The following ARHGEF11 variants were observed in gnomAD, a reference collection of about 807,000 sequenced individuals.
ARHGEF11 encodes the protein Rho guanine exchange factor (GEF) 11.
A neutral mutation model predicts 193.7 loss-of-function variants in ARHGEF11; 55 were observed. The observed-to-expected ratio is 0.28, with a 90% CI of 0.23 to 0.36. The LOEUF is 0.36. Ranked by LOEUF, ARHGEF11 falls within the 10% of genes least tolerant of loss-of-function variation. The pLI is 1.00. For synonymous variants in ARHGEF11, 693 were observed against 768.0 expected (o/e 0.90, Z 1.62); for missense variants, 1,723 against 2,005.6 (o/e 0.86, Z 2.69).
intron 27 of ARHGEF11, 52 bp downstream of exon 27, chr1:156,946,884 C>T (rs926027691): frequency 2.7e-5 from 44 of 1,613,334 alleles, no homozygotes; most frequent in Non-Finnish European, 3.5e-5. Flanking sequence ...GTAATGAGAC[C>T]CTGCCTCCCC....
rs56345231 is a variant in ARHGEF11, at chr1:156,960,531, C to T, written c.1240-71G>A. On this transcript the variant is annotated intron_variant, in intron 14 of 40. Coordinates refer to ENST00000368194, the MANE Select transcript of ARHGEF11 (RefSeq NM_198236.3). ...CCAGGGAGATGAGCAGTGTGCAAGG[C>T]GAGGAGGGCTTGGCCACATGAACTT... 7.2e-3 allele frequency: 10,661 copies of T among 1,484,450 alleles called. 199 individuals carry two copies. Among genetic ancestry groups the T allele is most frequent in the African/African-American group, 0.071 (5,113 of 72,284 alleles). The allele number at this position is 1,484,450 out of a possible 1,614,324, so 92.0% of individuals were successfully genotyped here. A position where few individuals can be genotyped will look rare whatever the true frequency, so the allele number is the denominator to read the frequency against.
At chr1:156,941,712 T>C in intron 34 of ARHGEF11, 152 bp downstream of exon 34, 1 of 1,205,108 alleles carries the variant, frequency 8.3e-7, no homozygotes, top group Non-Finnish European at 1.2e-6. Context: ...GGGGGCATGT[T>C]CCTCCATCTG....
chr1:156,998,404 GGA>G, intron 1 of ARHGEF11, among the ~76,000 whole-genome samples: 1 of 152,316 alleles, frequency 6.6e-6, no homozygotes, highest in Non-Finnish European at 1.5e-5. Context: ...TTGATATTGA[GGA>G]GCAGTGTGGT....
chr1:156,941,605 C>T (rs1656952949), intron 34 of ARHGEF11, among the ~76,000 whole-genome samples, 172 bp from the exon 35 acceptor site: 1 of 152,228 alleles, frequency 6.6e-6, no homozygotes, highest in African/African-American at 2.4e-5. Flanking sequence ...TTCTCTGGTC[C>T]CTTGCTCTAC....
intron 37 of ARHGEF11, 147 bp from the exon 38 acceptor site, chr1:156,938,660 G>A (rs1182433348): frequency 4.7e-6 from 3 of 641,274 alleles, no homozygotes; most frequent in East Asian, 5.7e-5. Context: ...GATCATACAC[G>A]ATGACATCCC....
intron 35 of ARHGEF11, 93 bp from the exon 36 acceptor site, chr1:156,940,518 A>C: frequency 1.7e-6 from 2 of 1,147,054 alleles, no homozygotes; most frequent in South Asian, 3.4e-5. Context: ...GGGGCTGGGA[A>C]CACTGACTTA....
Position 156,942,728 on chromosome 1 carries a change from G to A in ARHGEF11, c.3288C>T (p.Ile1096=). ...ICTSKLGPPQ[I]YELVALTSSD... is the part of the protein sequence containing the mutation. ...ATGACGTCAATGCAACCAGCTCATAGATCTGGGGTGGGCCCAGCTTGGAGG... is the reference window on the plus strand; with the variant it reads ...ATGACGTCAATGCAACCAGCTCATAAATCTGGGGTGGGCCCAGCTTGGAGG... The change falls in exon 33 of 41, where the codon ATC becomes ATT. Residue 1096 remains isoleucine (I), a synonymous_variant. Coordinates refer to ENST00000368194, the MANE Select transcript of ARHGEF11 (RefSeq NM_198236.3). 1 of 1,614,158 alleles carries A rather than the reference G, an allele frequency of 6.2e-7. No individual in the cohort carries two copies. The highest frequency in any genetic ancestry group is 1.1e-5 in the South Asian group (1 of 91,076).
At chr1:156,996,001 C>G (rs1036927047) in intron 1 of ARHGEF11, among the ~76,000 whole-genome samples, 2 of 152,122 alleles carry the variant, frequency 1.3e-5, no homozygotes, top group Non-Finnish European at 2.9e-5. Context: ...GATCTTTAGA[C>G]ATCAAAATAA....
Position 156,936,941 on chromosome 1 carries a change from G to A in ARHGEF11, c.4505C>T (p.Thr1502Met), listed in dbSNP as rs747398529. 2.9e-5 allele frequency: 46 copies of A among 1,613,994 alleles called. No homozygotes were observed. The highest frequency in any genetic ancestry group is 4.5e-5 in the East Asian group (2 of 44,880). ...SLGGESSGGTTPVGSFHTEAA... is the reference protein window; with the variant it reads ...SLGGESSGGTMPVGSFHTEAA... ...TTCTGTGTGGAAACTGCCCACAGGC[G>A]TGGTGCCACCAGATGACTCTCCCCC... Residue 1502 changes from threonine (T) to methionine (M), a missense_variant, in exon 40 of 41, where the codon ACG (threonine) becomes ATG (methionine). Coordinates refer to ENST00000368194, the MANE Select transcript of ARHGEF11 (RefSeq NM_198236.3).
In ARHGEF11 at chr1:156,984,345, G is replaced by A. The variant is rs142608371; in HGVS notation, c.217C>T (p.Arg73Trp). 6 of 1,585,074 alleles carry A rather than the reference G, an allele frequency of 3.8e-6. No homozygotes were observed. The highest frequency in any genetic ancestry group is 1.8e-5 in the Admixed American group (1 of 55,528). ...GGAGGGATGCAGCACTCACCAGGCC[G>A]CACAGACTGCACCAGAACAATGCGA... ...GDRIVLVQSV[R>W]PGGAAMKAGV... Residue 73 changes from arginine (R) to tryptophan (W), a missense_variant, in exon 3 of 41, where the codon CGG becomes TGG. Physicochemically the swap from Arg to Trp is moderately radical, Grantham distance 101 (BLOSUM62 -3). Coordinates refer to ENST00000368194, the MANE Select transcript of ARHGEF11 (RefSeq NM_198236.3).
At chr1:156,986,230 T>C in intron 1 of ARHGEF11, 57 bp from the exon 2 acceptor site, 2 of 1,448,970 alleles carry the variant, frequency 1.4e-6, no homozygotes, top group Non-Finnish European at 1.9e-6. Flanking sequence ...ATCAGCCTTG[T>C]AGTAGATGGA....
intron 1 of ARHGEF11, among the ~76,000 whole-genome samples, chr1:157,029,551 C>A (rs1322232457): frequency 1.3e-5 from 2 of 152,076 alleles, no homozygotes; most frequent in South Asian, 4.1e-4. Flanking sequence ...GGATTACAGG[C>A]GTGAGCCACT....
chr1:156,985,049 CAA>C (rs1275459207), intron 2 of ARHGEF11, among the ~76,000 whole-genome samples: 1 of 151,720 alleles, frequency 6.6e-6, no homozygotes, highest in Non-Finnish European at 1.5e-5. Context: ...AATTAAAAAA[CAA>C]AAAGAAACAG....
rs1384664310 is a variant in ARHGEF11 at position 156,971,831 on chromosome 1, G to A, written c.583-15C>T. 1.9e-6 allele frequency: 3 copies of A among 1,607,098 alleles called. No individual in the cohort carries two copies. Among genetic ancestry groups the A allele is most frequent in the South Asian group, 2.2e-5 (2 of 90,688 alleles). ...TCACAGATACGCTAGGGATGGGTGA[G>A]GAGGAGAAGGGGGAGGGGAAAAGGC... On this transcript the variant is annotated splice_polypyrimidine_tract_variant and intron_variant, in intron 7 of 40. Transcript: ENST00000368194.
At chr1:156,938,335 C>A in intron 38 of ARHGEF11, 83 bp downstream of exon 38, 2 of 1,314,592 alleles carry the variant, frequency 1.5e-6, no homozygotes, top group South Asian at 1.3e-5. Context: ...TGTGTGTGAC[C>A]ATGGGCAGGG....
chr1:156,948,468 A>T lies in ARHGEF11; in HGVS notation c.1956T>A (p.Ser652=). 6.2e-7 allele frequency: 1 copy of T among 1,614,194 alleles called. No homozygotes were observed. The highest frequency in any genetic ancestry group is 8.5e-7 in the Non-Finnish European group (1 of 1,180,026). ...TCTCTTCCCGGCCCTTGAGGCTTTCAGAGCGGCCCAGGCGAATCTCTGAGC... is the reference window on the plus strand; with the variant it reads ...TCTCTTCCCGGCCCTTGAGGCTTTCTGAGCGGCCCAGGCGAATCTCTGAGC... The part of the protein sequence containing the change: ...SSRSEIRLGR[S]ESLKGREEMK... The change falls in exon 23 of 41, where the codon TCT becomes TCA. Residue 652 remains serine (S), a synonymous_variant. Coordinates refer to ENST00000368194, the MANE Select transcript of ARHGEF11 (RefSeq NM_198236.3). The surrounding 1 kb of genome is among the most constrained non-coding windows in gnomAD (Gnocchi z 4.2).
rs377551897 is a variant in ARHGEF11 at position 156,990,472 on chromosome 1, A to G, written c.33-4299T>C. Among the ~76,000 whole-genome samples the G allele has an allele frequency of 3.3e-5, 5 of 152,322 alleles. No individual in the cohort carries two copies. In the South Asian group the frequency reaches 1.0e-3, roughly 32 times the overall value. ...TGCATAGATACTCTGTTTTCCAACA[A>G]TCTCTCATCCAATAGTTTTACTATC... On this transcript the variant is annotated intron_variant, in intron 1 of 40. Transcript: ENST00000368194.
chr1:156,960,659 AGAG>A (rs748398762), intron 14 of ARHGEF11, among the ~76,000 whole-genome samples, 199 bp from the exon 15 acceptor site: 2 of 152,232 alleles, frequency 1.3e-5, no homozygotes, highest in Non-Finnish European at 2.9e-5. Context: ...CTGAGGCTAC[AGAG>A]CAAGCTGGTA....
chr1:157,039,289 G>A (rs143002111), intron 1 of ARHGEF11, among the ~76,000 whole-genome samples: 1 of 152,164 alleles, frequency 6.6e-6, no homozygotes, highest in Non-Finnish European at 1.5e-5. Context: ...TAGCTAAAAG[G>A]AATCAAATCT....
Sources: gnomAD v4.1 joint callset for allele counts (sites outside exome capture counted in the v4.1 genomes callset) on GRCh38, gnomAD v4.1.1 for gene constraint, Gnocchi (gnomAD v3.1) non-coding constraint, MANE v1.5 for transcripts, NCBI Gene and HGNC (gene_info 2026-07-23, HGNC 2026-07-21) for gene names.